Variants in DHX33 observed in about 807,000 individuals in gnomAD.
DHX33 encodes the protein ATP-dependent RNA helicase DHX33.
Under a neutral mutation model 72.5 loss-of-function variants are expected in DHX33, and 42 were observed. The observed-to-expected ratio is 0.58, with a 90% CI of 0.45 to 0.75. DHX33 has a LOEUF of 0.75. Among genes scored for constraint, DHX33 ranks in the 30% least tolerant of loss-of-function variants. The probability of loss-of-function intolerance (pLI) is 0.00; values close to 1 mark genes in which losing one functional copy is unlikely to be tolerated. For missense variants in DHX33, 842 were observed against 917.5 expected, an observed-to-expected ratio of 0.92 and a Z score of 1.06; for synonymous variants, 358 against 366.1, an observed-to-expected ratio of 0.98 and a Z score of 0.25.
At chr17:5,446,254 C>T (rs779900550) in intron 11 of DHX33, among the ~76,000 whole-genome samples, 84 of 152,194 alleles carry the variant, frequency 5.5e-4, no homozygotes, top group Non-Finnish European at 2.5e-4. Context: ...GGACTAGAGG[C>T]ATAAGCCAGC....
chr17:5,462,410 G>T lies in DHX33; in HGVS notation c.587C>A (p.Ala196Asp), dbSNP rs1307815942. The part of the protein sequence containing the change: ...RKYSCVILDE[A>D]HERTIHTDVL... Reference sequence around the variant, plus strand: ...ATCTGTGTGGATAGTCCGTTCGTGAGCTTCATCCAAAATGACACAGCTGTA... The same window carrying T: ...ATCTGTGTGGATAGTCCGTTCGTGATCTTCATCCAAAATGACACAGCTGTA... Residue 196 changes from alanine to aspartate, a missense_variant, in exon 3 of 12, where the codon GCT (alanine) becomes GAT (aspartate). Physicochemically the swap from Ala to Asp is moderately radical, Grantham distance 126. Transcript: ENST00000225296. 2 of 1,614,084 alleles carry T rather than the reference G, an allele frequency of 1.2e-6. No individual in the cohort carries two copies. Among genetic ancestry groups the T allele is most frequent in the African/African-American group, 2.7e-5 (2 of 74,920 alleles).
In DHX33 at chr17:5,455,404, C is replaced by G. The variant is rs1259261439; in HGVS notation, c.1036-133G>C. On this transcript the variant is annotated intron_variant, in intron 5 of 11. Coordinates refer to ENST00000225296, the MANE Select transcript of DHX33 (RefSeq NM_020162.4). ...AGATGACTCCATTATTAATGGCAGT[C>G]ATTAATATTAATGGTTGGTCATTAA... 16 of 732,960 alleles carry G rather than the reference C, an allele frequency of 2.2e-5. No individual in the cohort carries two copies. The South Asian group carries it at 2.6e-4, about 12-fold the overall frequency. 45.4% of individuals were successfully genotyped at this position (732,960 alleles called of 1,614,324 possible).
Position 5,468,975 on chromosome 17 carries a change from C to A in DHX33, c.-116G>T, listed in dbSNP as rs1186934797. ...GCCGCCACGTGCTGGCGGCTCCCGG[C>A]GACCACCGATGACCTCACGGCCGCC... is the stretch of plus-strand genomic sequence containing the variant. On this transcript the variant is annotated 5_prime_UTR_variant, in exon 1 of 12. Coordinates refer to ENST00000225296, the MANE Select transcript of DHX33 (RefSeq NM_020162.4). 4.7e-6 allele frequency: 3 copies of A among 634,964 alleles called. No homozygotes were observed. Among genetic ancestry groups the A allele is most frequent in the South Asian group, 1.7e-5 (1 of 60,434 alleles). 39.3% of individuals were successfully genotyped at this position (634,964 alleles called of 1,614,324 possible).
intron 9 of DHX33, 93 bp from the exon 10 acceptor site, chr17:5,450,499 A>AAGG: frequency 7.7e-7 from 1 of 1,293,102 alleles, no homozygotes; most frequent in Non-Finnish European, 1.1e-6. Flanking sequence ...TTTCCCTTCT[A>AAGG]AGGAGTTAAA....
chr17:5,447,124 C>A (rs1916687941), intron 11 of DHX33, among the ~76,000 whole-genome samples: 1 of 152,274 alleles, frequency 6.6e-6, no homozygotes, highest in South Asian at 2.1e-4. Context: ...CCGCTACCCT[C>A]TATCTCTGAC....
chr17:5,458,538 G>A (rs185075392), intron 4 of DHX33, among the ~76,000 whole-genome samples: 363 of 152,116 alleles, frequency 2.4e-3, no homozygotes, highest in Non-Finnish European at 4.3e-3. Context: ...GATTGAGCCC[G>A]GGAGTTCACG....
chr17:5,453,713 A>G (rs1917058744), intron 7 of DHX33, 45 bp from the exon 8 acceptor site: 1 of 1,612,532 alleles, frequency 6.2e-7, no homozygotes, highest in Admixed American at 1.7e-5. Flanking sequence ...TCCCTCTGCC[A>G]TTGAGTCAGA....
intron 10 of DHX33, 59 bp downstream of exon 10, chr17:5,450,144 G>A (rs1162137456): frequency 1.3e-6 from 2 of 1,591,458 alleles, no homozygotes; most frequent in Admixed American, 1.7e-5. Flanking sequence ...TAGAAAAAGG[G>A]AAGCACATAG....
chr17:5,464,098 G>A (rs1054075649), intron 1 of DHX33, among the ~76,000 whole-genome samples: 9 of 152,160 alleles, frequency 5.9e-5, no homozygotes, highest in African/African-American at 2.2e-4. Flanking sequence ...CACGTGGGGA[G>A]GCCAAGGGAG....
chr17:5,457,214 A>G (rs1904359352), intron 4 of DHX33, among the ~76,000 whole-genome samples: 1 of 152,210 alleles, frequency 6.6e-6, no homozygotes, highest in Admixed American at 6.5e-5. Flanking sequence ...AGGCTGAGGC[A>G]GGAGAATCAC....
At chr17:5,449,563 A>T (rs1429106736) in intron 10 of DHX33, among the ~76,000 whole-genome samples, 1 of 152,160 alleles carries the variant, frequency 6.6e-6, no homozygotes, top group African/African-American at 2.4e-5. Flanking sequence ...CAGCCTCCCG[A>T]GTAGCTGGGA....
rs186370705 is a variant in DHX33, at chr17:5,467,656, A to T, written c.289+915T>A. 6.6e-5 allele frequency among the ~76,000 whole-genome samples: 10 copies of T among 152,164 alleles called. No homozygotes were observed. The East Asian group carries it at 1.9e-3, about 29-fold the overall frequency. ...GCCGGGAATATGCCAGCCGGGAGATAAACCCCCTCGGGCCGGAAAAATGTC... is the reference window on the plus strand; with the variant it reads ...GCCGGGAATATGCCAGCCGGGAGATTAACCCCCTCGGGCCGGAAAAATGTC... On this transcript the variant is annotated intron_variant, in intron 1 of 11. Transcript: ENST00000225296.
intron 6 of DHX33, among the ~76,000 whole-genome samples, chr17:5,454,674 A>G (rs1917111186): frequency 6.6e-6 from 1 of 152,222 alleles, no homozygotes; most frequent in Non-Finnish European, 1.5e-5. Context: ...GGAATAAAGC[A>G]AAGTATAAAA....
intron 11 of DHX33, among the ~76,000 whole-genome samples, chr17:5,447,284 A>T (rs1916692944): frequency 6.6e-6 from 1 of 152,076 alleles, no homozygotes; most frequent in Non-Finnish European, 1.5e-5. Flanking sequence ...TTGGGAGGCC[A>T]AGGCCAGTGG....
In DHX33 at chr17:5,450,855, T is replaced by C. The variant is rs1916870774; in HGVS notation, c.1476A>G (p.Pro492=). ...GAAATGCTGCCATCTTTCTTCCCATTGGAGTCAGGGTAAGCTGGTCATCCT... is the reference window on the plus strand; with the variant it reads ...GAAATGCTGCCATCTTTCTTCCCATCGGAGTCAGGGTAAGCTGGTCATCCT... ...EHKDDQLTLT[P]MGRKMAAFPL... is the part of the protein sequence containing the mutation. The change falls in exon 9 of 12, where the codon CCA becomes CCG. Residue 492 remains proline (P), a synonymous_variant. Transcript: ENST00000225296. 2 of 1,614,074 alleles carry C rather than the reference T, an allele frequency of 1.2e-6. No homozygotes were observed. The highest frequency in any genetic ancestry group is 1.3e-5 in the African/African-American group (1 of 74,924).
In DHX33 at chr17:5,462,186, G is replaced by T. The variant is rs546967904; in HGVS notation, c.678+133C>A. The T allele has an allele frequency of 2.9e-4, 215 of 731,886 alleles. No homozygotes were observed. In the South Asian group the frequency reaches 3.8e-3, roughly 13 times the overall value. 45.3% of individuals were successfully genotyped at this position (731,886 alleles called of 1,614,324 possible). The stretch of plus-strand genomic sequence containing the variant: ...AACTCCTGACCTCAGGTGATCCACC[G>T]GCCTTGGCCTCCCAAAGTGCTGGGA... On this transcript the variant is annotated intron_variant, in intron 3 of 11. Transcript: ENST00000225296.
intron 1 of DHX33, among the ~76,000 whole-genome samples, chr17:5,464,322 C>A (rs1904774141): frequency 6.6e-6 from 1 of 151,632 alleles, no homozygotes; most frequent in East Asian, 1.9e-4. Flanking sequence ...GGAATGACAC[C>A]CTGTCTTAGA....
rs777474068 is a variant in DHX33 at position 5,462,339 on chromosome 17, G to C, written c.658C>G (p.Leu220Val). ...VKAAQKRRKE[L>V]GKLPLKVIVM... ...CATACTTTCAGAGGAAGTTTCCCGA[G>C]TTCCTTTCTCCTCTTCTGTGCAGCT... The change falls in exon 3 of 12, where the codon CTC becomes GTC. Residue 220 changes from leucine (L) to valine (V), a missense_variant. Physicochemically the swap from Leu to Val is conservative, Grantham distance 32. Coordinates refer to ENST00000225296, the MANE Select transcript of DHX33 (RefSeq NM_020162.4). The C allele has an allele frequency of 6.2e-7, 1 of 1,613,692 alleles. No individual in the cohort carries two copies. The highest frequency in any genetic ancestry group is 2.2e-5 in the East Asian group (1 of 44,880).
Position 5,443,523 on chromosome 17 carries a change from T to C in DHX33, c.*682A>G, listed in dbSNP as rs760666920. ...GGAGGCTCCTTTACTGGTCTCTGCTTGGAGACAGACACAGAGTGGTCCACC... is the reference window on the plus strand; with the variant it reads ...GGAGGCTCCTTTACTGGTCTCTGCTCGGAGACAGACACAGAGTGGTCCACC... On this transcript the variant is annotated 3_prime_UTR_variant, in exon 12 of 12. Coordinates refer to ENST00000225296, the MANE Select transcript of DHX33 (RefSeq NM_020162.4). 1.3e-5 allele frequency: 2 copies of C among 152,088 alleles called. No homozygotes were observed. The highest frequency in any genetic ancestry group is 2.4e-5 in the African/African-American group (1 of 41,372). 9.4% of individuals were successfully genotyped at this position (152,088 alleles called of 1,614,324 possible).
Sources: allele counts gnomAD v4.1 joint callset (sites outside exome capture counted in the v4.1 genomes callset), GRCh38; gene constraint gnomAD v4.1.1; transcripts MANE v1.5; gene names NCBI Gene and HGNC (gene_info 2026-07-23, HGNC 2026-07-21).